Variants in UBE2O observed in about 807,000 individuals in gnomAD.
The protein encoded by UBE2O is (E3-independent) E2 ubiquitin-conjugating enzyme.
Under a neutral mutation model 125.8 loss-of-function variants are expected in UBE2O, and 15 were observed. The observed-to-expected ratio is 0.12, with a 90% CI of 0.08 to 0.18. The LOEUF is 0.18. Among genes scored for constraint, UBE2O ranks in the 10% least tolerant of loss-of-function variants. UBE2O has a pLI of 1.00. For synonymous variants in UBE2O, 708 were observed against 703.2 expected, an observed-to-expected ratio of 1.01 and a Z score of -0.11; for missense variants, 1,280 against 1,723.6, an observed-to-expected ratio of 0.74 and a Z score of 4.56.
Position 76,415,600 on chromosome 17 carries a change from T to C in UBE2O, c.418-10028A>G, listed in dbSNP as rs548629901. ...CGGTTGGATCACTTGAGGTCAGGAGTTGCAGACCAGCCTGGCCAACATGGT... is the reference window on the plus strand; with the variant it reads ...CGGTTGGATCACTTGAGGTCAGGAGCTGCAGACCAGCCTGGCCAACATGGT... On this transcript the variant is annotated intron_variant, in intron 1 of 17. Coordinates refer to ENST00000319380, the MANE Select transcript of UBE2O (RefSeq NM_022066.4). Among the ~76,000 whole-genome samples the C allele has an allele frequency of 7.4e-4, 113 of 151,964 alleles. 1 individual carries two copies. Among genetic ancestry groups the C allele is most frequent in the Non-Finnish European group, 1.8e-4 (12 of 67,932 alleles).
intron 1 of UBE2O, among the ~76,000 whole-genome samples, chr17:76,437,163 A>AAAG (rs2073009571): frequency 6.6e-6 from 1 of 150,834 alleles, no homozygotes; most frequent in African/African-American, 2.4e-5. Context: ...AAAAAAAAAA[A>AAAG]AAGGTGGCAG....
chr17:76,452,939 C>A lies in UBE2O; in HGVS notation c.203G>T (p.Gly68Val). 1 of 1,498,548 alleles carries A rather than the reference C, an allele frequency of 6.7e-7. No homozygotes were observed. The highest frequency in any genetic ancestry group is 8.9e-7 in the Non-Finnish European group (1 of 1,123,600). 92.8% of individuals were successfully genotyped at this position (1,498,548 alleles called of 1,614,324 possible). ...RLLFSHDLVS[G>V]RYRGSVHFGL... ...GAAGTGCACGGAGCCACGGTAACGG[C>A]CCGACACCAGGTCGTGAGAAAACAG... Residue 68 changes from glycine (G) to valine (V), a missense_variant, in exon 1 of 18, where the codon GGC becomes GTC. Coordinates refer to ENST00000319380, the MANE Select transcript of UBE2O (RefSeq NM_022066.4). The surrounding 1 kb of genome is among the most constrained non-coding windows in gnomAD (Gnocchi z 4.4).
intron 15 of UBE2O, 126 bp from the exon 16 acceptor site, chr17:76,392,239 A>G (rs2072125616): frequency 1.8e-6 from 1 of 568,380 alleles, no homozygotes; most frequent in African/African-American, 1.9e-5. Flanking sequence ...GAAGAGCAGC[A>G]CCTGGGACTC....
chr17:76,425,995 CT>C (rs1189740269), intron 1 of UBE2O, among the ~76,000 whole-genome samples: 3 of 152,090 alleles, frequency 2.0e-5, no homozygotes, highest in Non-Finnish European at 2.9e-5. Flanking sequence ...ACAGGAGGCA[CT>C]TTTTTTCCAG....
At chr17:76,418,932 T>C (rs573725036) in intron 1 of UBE2O, among the ~76,000 whole-genome samples, 2 of 152,212 alleles carry the variant, frequency 1.3e-5, no homozygotes, top group Admixed American at 6.5e-5. Flanking sequence ...CCCAAACCCA[T>C]TGAATAAATT....
intron 13 of UBE2O, 103 bp downstream of exon 13, chr17:76,397,696 A>T: frequency 1.7e-6 from 2 of 1,143,712 alleles, no homozygotes; most frequent in Non-Finnish European, 1.3e-6. Context: ...CTGAGATCTC[A>T]CCAGGAAGAC....
chr17:76,410,164 T>C lies in UBE2O; in HGVS notation c.418-4592A>G, dbSNP rs2072491868. On this transcript the variant is annotated intron_variant, in intron 1 of 17. Coordinates refer to ENST00000319380, the MANE Select transcript of UBE2O (RefSeq NM_022066.4). The surrounding 1 kb of genome is among the most constrained non-coding windows in gnomAD (Gnocchi z 4.0). Reference sequence around the variant, plus strand: ...GAGCCACAGGGAGGGCTTGAGATTCTATCCTGAGCAAGATGGAAGCCCCTG... The same window carrying C: ...GAGCCACAGGGAGGGCTTGAGATTCCATCCTGAGCAAGATGGAAGCCCCTG... Among the ~76,000 whole-genome samples, 2 of 152,134 alleles carry C rather than the reference T, an allele frequency of 1.3e-5. No homozygotes were observed. The highest frequency in any genetic ancestry group is 1.3e-4 in the Admixed American group (2 of 15,284).
At chr17:76,421,962 T>C (rs1250934002) in intron 1 of UBE2O, among the ~76,000 whole-genome samples, 2 of 151,974 alleles carry the variant, frequency 1.3e-5, no homozygotes, top group Non-Finnish European at 1.5e-5. Flanking sequence ...GCATCCAGAG[T>C]GCTCAAGGAC....
At chr17:76,447,987 A>T (rs2073177624) in intron 1 of UBE2O, among the ~76,000 whole-genome samples, 1 of 152,206 alleles carries the variant, frequency 6.6e-6, no homozygotes, top group Admixed American at 6.5e-5. Context: ...GGTTAGGAAG[A>T]TAGACCTCTT....
intron 1 of UBE2O, among the ~76,000 whole-genome samples, chr17:76,435,403 C>G (rs1005688541): frequency 1.7e-5 from 1 of 60,250 alleles, no homozygotes. Context: ...TATACAGATA[C>G]ACACACACAC....
intron 1 of UBE2O, among the ~76,000 whole-genome samples, chr17:76,411,188 T>C (rs572866960): frequency 1.1e-3 from 165 of 152,240 alleles, no homozygotes; most frequent in Non-Finnish European, 2.0e-3. Flanking sequence ...ATTTTTGTAA[T>C]TTTTTGTAGA....
At position 76,391,330 on chromosome 17, in the gene UBE2O, C is replaced by G; in HGVS notation, c.3492G>C (p.Lys1164Asn). The change falls in exon 18 of 18, where the codon AAG becomes AAC. Residue 1164 changes from lysine (K) to asparagine (N), a missense_variant. Transcript: ENST00000319380. This position sits in a 1 kb window ranked among gnomAD's most constrained non-coding sequence, Gnocchi z 8.4. ...KAQALPNGVPKASSSPEPPAV... is the reference protein window; with the variant it reads ...KAQALPNGVPNASSSPEPPAV... ...CTGGGGGCTCTGGCGAGCTGCTGGCCTTGGGCACCCCGTTGGGCAGTGCCT... is the reference window on the plus strand; with the variant it reads ...CTGGGGGCTCTGGCGAGCTGCTGGCGTTGGGCACCCCGTTGGGCAGTGCCT... 3 of 1,613,102 alleles carry G rather than the reference C, an allele frequency of 1.9e-6. No homozygotes were observed. The highest frequency in any genetic ancestry group is 2.5e-6 in the Non-Finnish European group (3 of 1,180,018).
rs1379375409 is a variant in UBE2O at position 76,391,314 on chromosome 17, C to T, written c.3508G>A (p.Glu1170Lys). Residue 1170 changes from glutamate (E) to lysine (K), a missense_variant, in exon 18 of 18, where the codon GAG becomes AAG. Physicochemically the swap from Glu to Lys is moderately conservative, Grantham distance 56. Coordinates refer to ENST00000319380, the MANE Select transcript of UBE2O (RefSeq NM_022066.4). The surrounding 1 kb of genome is among the most constrained non-coding windows in gnomAD (Gnocchi z 8.4). ...NGVPKASSSP[E>K]PPAVAELSDS... Reference sequence around the variant, plus strand: ...GACAGCTCGGCTACAGCTGGGGGCTCTGGCGAGCTGCTGGCCTTGGGCACC... The same window carrying T: ...GACAGCTCGGCTACAGCTGGGGGCTTTGGCGAGCTGCTGGCCTTGGGCACC... 6.8e-6 allele frequency: 11 copies of T among 1,612,862 alleles called. No individual in the cohort carries two copies. The highest frequency in any genetic ancestry group is 9.3e-6 in the Non-Finnish European group (11 of 1,180,014).
chr17:76,424,258 G>C (rs1598608708), intron 1 of UBE2O, among the ~76,000 whole-genome samples: 1 of 129,262 alleles, frequency 7.7e-6, no homozygotes, highest in Non-Finnish European at 1.6e-5. Flanking sequence ...GCCCAGCCTG[G>C]AGTGCAATGG....
In UBE2O at chr17:76,424,178, G is replaced by C. The variant is rs562875305; in HGVS notation, c.418-18606C>G. On this transcript the variant is annotated intron_variant, in intron 1 of 17. Coordinates refer to ENST00000319380, the MANE Select transcript of UBE2O (RefSeq NM_022066.4). ...CCGTCTCGGCCTCCCAAAGTGCTGG[G>C]ATTACAGGCGTGAGCCACCGCGCCC... Among the ~76,000 whole-genome samples, 18 of 148,984 alleles carry C rather than the reference G, an allele frequency of 1.2e-4. No homozygotes were observed. The South Asian group carries it at 3.8e-3, about 32-fold the overall frequency.
At chr17:76,447,301 C>G (rs1039612104) in intron 1 of UBE2O, among the ~76,000 whole-genome samples, 3 of 152,216 alleles carry the variant, frequency 2.0e-5, no homozygotes, top group African/African-American at 7.2e-5. Context: ...AAGTGTGACA[C>G]TGGGCAATTT....
At position 76,389,965 on chromosome 17, in the gene UBE2O, C is replaced by T. The variant is rs913469190; in HGVS notation, c.*978G>A. ...TCAAAAGCTTAGAAAACTTGTAAAC[C>T]TCTGGGCCTGTCTCTGGGCACTAGG... On this transcript the variant is annotated 3_prime_UTR_variant, in exon 18 of 18. Transcript: ENST00000319380. 1 of 152,584 alleles carries T rather than the reference C, an allele frequency of 6.6e-6. No individual in the cohort carries two copies. Among genetic ancestry groups the T allele is most frequent in the African/African-American group, 2.4e-5 (1 of 41,450 alleles). The allele number at this position is 152,584 out of a possible 1,614,324, so 9.5% of individuals were successfully genotyped here. A position where few individuals can be genotyped will look rare whatever the true frequency, so the allele number is the denominator to read the frequency against.
Position 76,391,239 on chromosome 17 carries a change from C to A in UBE2O, c.3583G>T (p.Ala1195Ser), listed in dbSNP as rs1196937433. The part of the protein sequence containing the change: ...PEDGGPAPGE[A>S]SQGSDSEGGA... ...CCCTCTGAGTCTGAGCCCTGGGAGG[C>A]CTCTCCTGGGGCTGGCCCTCCATCC... The change falls in exon 18 of 18, where the codon GCC (alanine) becomes TCC (serine). Residue 1195 changes from alanine (A) to serine (S), a missense_variant. Around this residue, in one of 10 missense-constraint regions of UBE2O, gnomAD observed 233 missense variants for 279.0 expected, o/e 0.84. Coordinates refer to ENST00000319380, the MANE Select transcript of UBE2O (RefSeq NM_022066.4). This position sits in a 1 kb window ranked among gnomAD's most constrained non-coding sequence, Gnocchi z 8.4. The A allele has an allele frequency of 8.7e-6, 14 of 1,613,242 alleles. No homozygotes were observed. Among genetic ancestry groups the A allele is most frequent in the Non-Finnish European group, 1.2e-5 (14 of 1,179,746 alleles).
At position 76,398,236 on chromosome 17, in the gene UBE2O, CTTGAAT is replaced by C. The variant is rs1598584265; in HGVS notation, c.2025+13_2025+18del. On this transcript the variant is annotated intron_variant, in intron 12 of 17. Coordinates refer to ENST00000319380, the MANE Select transcript of UBE2O (RefSeq NM_022066.4). The surrounding 1 kb of genome is among the most constrained non-coding windows in gnomAD (Gnocchi z 5.4). ...CAGGGCAGTGAGCAGCCATCCAGAA[CTTGAAT>C]TTGAAGGCGTACCTCATCCTCCTTG... 6.2e-6 allele frequency: 10 copies of C among 1,613,988 alleles called. No homozygotes were observed. The African/African-American group carries it at 6.7e-5, about 11-fold the overall frequency.
Sources: allele counts gnomAD v4.1 joint callset (sites outside exome capture counted in the v4.1 genomes callset), GRCh38; gene constraint gnomAD v4.1.1; regional missense constraint gnomAD v4.1.1; non-coding constraint Gnocchi (gnomAD v3.1); transcripts MANE v1.5; gene names NCBI Gene and HGNC (gene_info 2026-07-23, HGNC 2026-07-21).